The following DLGAP1 variants were observed in gnomAD, a reference collection of about 807,000 sequenced individuals.
DLGAP1 encodes the protein disks large-associated protein 1.
In DLGAP1, 11 loss-of-function variants were observed where a neutral mutation model predicts 90.8. The observed-to-expected ratio is 0.12, with a 90% confidence interval of 0.08 to 0.20. The LOEUF (loss-of-function observed/expected upper bound fraction) is 0.20. Among genes scored for constraint, DLGAP1 ranks in the 10% least tolerant of loss-of-function variants. The probability of loss-of-function intolerance (pLI) is 1.00; values close to 1 mark genes in which losing one functional copy is unlikely to be tolerated. For synonymous variants in DLGAP1, 558 were observed against 540.7 expected, an observed-to-expected ratio of 1.03 and a Z score of -0.44; for missense variants, 1,050 against 1,333.8, an observed-to-expected ratio of 0.79 and a Z score of 3.31.
intron 1 of DLGAP1, among the ~76,000 whole-genome samples, chr18:4,299,900 CA>C (rs1471970978): frequency 6.6e-6 from 1 of 152,066 alleles, no homozygotes; most frequent in Non-Finnish European, 1.5e-5. Flanking sequence ...AGAATCAAAT[CA>C]ATTGGAAAAT....
At chr18:3,971,646 C>T (rs1332022095) in intron 3 of DLGAP1, among the ~76,000 whole-genome samples, 3 of 152,106 alleles carry the variant, frequency 2.0e-5, no homozygotes, top group East Asian at 3.8e-4. Flanking sequence ...CTCTTTTGTC[C>T]ATCTATCCTT....
intron 2 of DLGAP1, among the ~76,000 whole-genome samples, chr18:4,027,241 C>T (rs2074715225): frequency 6.6e-6 from 1 of 151,956 alleles, no homozygotes; most frequent in Non-Finnish European, 1.5e-5. Flanking sequence ...TGTGGTGGCT[C>T]ATGCCTATAA....
At chr18:3,869,594 T>C (rs2070618176) in intron 4 of DLGAP1, among the ~76,000 whole-genome samples, 1 of 152,222 alleles carries the variant, frequency 6.6e-6, no homozygotes, top group African/African-American at 2.4e-5. Context: ...TGTGATACTC[T>C]CGACTTCAGA....
intron 3 of DLGAP1, among the ~76,000 whole-genome samples, chr18:3,984,887 T>C (rs1462226940): frequency 1.3e-5 from 2 of 152,092 alleles, no homozygotes; most frequent in Non-Finnish European, 2.9e-5. Flanking sequence ...TCCTGACCAA[T>C]CTTCACCATT....
chr18:3,570,921 A>T (rs575965675), intron 8 of DLGAP1, among the ~76,000 whole-genome samples: 3 of 134,558 alleles, frequency 2.2e-5, no homozygotes, highest in Admixed American at 1.6e-4. Context: ...AGAGCAAGAC[A>T]GTGTCTCAAA....
At chr18:4,222,014 T>C (rs2144977594) in intron 1 of DLGAP1, among the ~76,000 whole-genome samples, 1 of 152,264 alleles carries the variant, frequency 6.6e-6, no homozygotes, top group Middle Eastern at 3.4e-3. Flanking sequence ...CCTCAGTCCT[T>C]CTCATTCCCC....
At chr18:4,181,569 A>G (rs976950308) in intron 1 of DLGAP1, among the ~76,000 whole-genome samples, 23 of 152,196 alleles carry the variant, frequency 1.5e-4, no homozygotes, top group African/African-American at 5.5e-4. Flanking sequence ...CAAAACCGAA[A>G]GCTCCTGTGT....
At chr18:3,815,020 G>A (rs2080938242) in intron 4 of DLGAP1, among the ~76,000 whole-genome samples, 2 of 152,128 alleles carry the variant, frequency 1.3e-5, no homozygotes, top group South Asian at 4.1e-4. Context: ...TAAAACCATT[G>A]GCTTTGAATC....
chr18:4,361,220 T>A (rs1398602878), intron 1 of DLGAP1, among the ~76,000 whole-genome samples: 2 of 152,256 alleles, frequency 1.3e-5, no homozygotes, highest in South Asian at 4.1e-4. Flanking sequence ...GTGCAAATAA[T>A]TTTACTTCAA....
intron 1 of DLGAP1, among the ~76,000 whole-genome samples, chr18:4,299,332 A>C (rs1271545447): frequency 6.6e-6 from 1 of 152,224 alleles, no homozygotes; most frequent in Non-Finnish European, 1.5e-5. Flanking sequence ...CAACAGATCT[A>C]TCTCTAAAAG....
At position 3,653,823 on chromosome 18, in the gene DLGAP1, C is replaced by G. The variant is rs2059393709; in HGVS notation, c.1592-71575G>C. On this transcript the variant is annotated intron_variant, in intron 7 of 12. Transcript: ENST00000315677. The surrounding 1 kb of genome is among the most constrained non-coding windows in gnomAD (Gnocchi z 4.6). ...GATTTCTTCCACTGATGTGCACACT[C>G]TTTGACATGAAAAGCTGCACGAAGC... is the stretch of plus-strand genomic sequence containing the variant. 2 of 152,174 alleles carry G rather than the reference C, an allele frequency of 1.3e-5. No individual in the cohort carries two copies. Among genetic ancestry groups the G allele is most frequent in the Admixed American group, 6.5e-5 (1 of 15,276 alleles). 9.4% of individuals were successfully genotyped at this position (152,174 alleles called of 1,614,324 possible). A position where few individuals can be genotyped will look rare whatever the true frequency, so the allele number is the denominator to read the frequency against.
intron 4 of DLGAP1, among the ~76,000 whole-genome samples, chr18:3,862,084 TA>T (rs2070102447): frequency 6.6e-6 from 1 of 152,230 alleles, no homozygotes; most frequent in South Asian, 2.1e-4. Flanking sequence ...AGGGTTCAAT[TA>T]AACCAGTACC....
At chr18:4,149,117 C>T (rs181385124) in intron 2 of DLGAP1, among the ~76,000 whole-genome samples, 1 of 152,240 alleles carries the variant, frequency 6.6e-6, no homozygotes, top group Non-Finnish European at 1.5e-5. Flanking sequence ...GTAAATGAAA[C>T]AATATAAAGC....
At chr18:3,926,663 T>C (rs1168625381) in intron 3 of DLGAP1, among the ~76,000 whole-genome samples, 2 of 152,022 alleles carry the variant, frequency 1.3e-5, no homozygotes, top group Non-Finnish European at 2.9e-5. Flanking sequence ...GGTATAAATA[T>C]ATATATACGG....
At position 3,597,106 on chromosome 18, in the gene DLGAP1, C is replaced by G. The variant is rs765817710; in HGVS notation, c.1592-14858G>C. On this transcript the variant is annotated intron_variant, in intron 7 of 12. Transcript: ENST00000315677. ...CCTCGTTACTCTTTTTTTTTTCACT[C>G]TCAGCCCACACAAAACTAGGAACTT... is the stretch of plus-strand genomic sequence containing the variant. The G allele has an allele frequency of 1.2e-5, 6 of 518,174 alleles. No homozygotes were observed. The African/African-American group carries it at 1.2e-4, about 10-fold the overall frequency. The allele number at this position is 518,174 out of a possible 1,614,324, so 32.1% of individuals were successfully genotyped here.
chr18:3,905,869 G>A (rs1045394469), intron 3 of DLGAP1, among the ~76,000 whole-genome samples: 1 of 152,124 alleles, frequency 6.6e-6, no homozygotes. Flanking sequence ...TCTACAAAAG[G>A]GTTCGAAGTT....
At chr18:3,933,803 A>G (rs2072572794) in intron 3 of DLGAP1, among the ~76,000 whole-genome samples, 1 of 152,168 alleles carries the variant, frequency 6.6e-6, no homozygotes, top group African/African-American at 2.4e-5. Flanking sequence ...AGGTTGGCTA[A>G]AAGGAGAGAG....
intron 5 of DLGAP1, among the ~76,000 whole-genome samples, chr18:3,799,241 G>C (rs1024512114): frequency 1.3e-5 from 2 of 152,164 alleles, no homozygotes; most frequent in African/African-American, 4.8e-5. Flanking sequence ...CTGCAAATTT[G>C]TAAAGTCCAG....
At chr18:3,896,138 G>A (rs890656266) in intron 3 of DLGAP1, 2 of 152,130 alleles carry the variant, frequency 1.3e-5, no homozygotes, top group Non-Finnish European at 2.9e-5. Flanking sequence ...GTGTGACATG[G>A]TTTCTTCCCT....
Sources: gnomAD v4.1 joint callset for allele counts (sites outside exome capture counted in the v4.1 genomes callset) on GRCh38, gnomAD v4.1.1 for gene constraint, Gnocchi (gnomAD v3.1) non-coding constraint, MANE v1.5 for transcripts, NCBI Gene and HGNC (gene_info 2026-07-23, HGNC 2026-07-21) for gene names.